RNF115: variants seen among roughly 807,000 people sequenced by gnomAD.
RNF115 encodes the protein E3 ubiquitin-protein ligase RNF115.
RNF115 carries 31 observed loss-of-function variants against 39.2 expected under a neutral mutation model. The observed-to-expected ratio is 0.79, with a 90% CI of 0.59 to 1.07. The LOEUF is 1.07. RNF115 is among the 50% of genes least tolerant of loss of function. The pLI is 0.00. For missense variants in RNF115, 384 were observed against 381.7 expected (o/e 1.01, Z -0.05); for synonymous variants, 124 against 131.0 (o/e 0.95, Z 0.37).
intron 2 of RNF115, 155 bp downstream of exon 2, chr1:145,788,753 C>G: frequency 1.4e-6 from 1 of 719,168 alleles, no homozygotes; most frequent in Non-Finnish European, 2.5e-6. Context: ...CTTCTGCCCT[C>G]TCTTGTGCAA....
chr1:145,788,504 G>A (rs1553718433), intron 2 of RNF115, among the ~76,000 whole-genome samples: 1 of 152,104 alleles, frequency 6.6e-6, no homozygotes, highest in African/African-American at 2.4e-5. Context: ...TCCCTAACCC[G>A]CCAAAGAGGT....
At chr1:145,808,673 T>C (rs1288715188) in intron 1 of RNF115, among the ~76,000 whole-genome samples, 1 of 152,224 alleles carries the variant, frequency 6.6e-6, no homozygotes, top group African/African-American at 2.4e-5. Flanking sequence ...TTTTGCACTA[T>C]ATCAGCAATC....
chr1:145,747,552 A>G (rs1390608505), intron 8 of RNF115, among the ~76,000 whole-genome samples: 2 of 152,154 alleles, frequency 1.3e-5, no homozygotes, highest in Admixed American at 1.3e-4. Context: ...CTGAGACACA[A>G]GAATCACTTG....
chr1:145,763,469 A>G (rs1202007532), intron 4 of RNF115, among the ~76,000 whole-genome samples: 1 of 152,228 alleles, frequency 6.6e-6, no homozygotes, highest in South Asian at 2.1e-4. Context: ...AGGCCAAAGC[A>G]GGCAGATCAC....
At chr1:145,751,607 G>A (rs1355737495) in intron 5 of RNF115, 97 bp from the exon 6 acceptor site, 2 of 696,210 alleles carry the variant, frequency 2.9e-6, no homozygotes, top group Non-Finnish European at 4.9e-6. Context: ...TTCTCTCTCA[G>A]AGCTGGAAAG....
chr1:145,786,609 T>C (rs1357369153), intron 2 of RNF115, among the ~76,000 whole-genome samples: 1 of 152,216 alleles, frequency 6.6e-6, no homozygotes, highest in Non-Finnish European at 1.5e-5. Context: ...CAGTTAATCA[T>C]TCTCATTTAT....
chr1:145,792,485 C>CAA (rs1648720585), intron 1 of RNF115, among the ~76,000 whole-genome samples: 1 of 151,848 alleles, frequency 6.6e-6, no homozygotes, highest in African/African-American at 2.4e-5. Context: ...GCCTGGCCCT[C>CAA]AAGTGCTTTT....
chr1:145,780,006 T>C (rs1648053528), intron 3 of RNF115, among the ~76,000 whole-genome samples: 1 of 151,534 alleles, frequency 6.6e-6, no homozygotes, highest in Non-Finnish European at 1.5e-5. Context: ...GACGAGAGGA[T>C]GACCTGAGGT....
At chr1:145,760,773 C>A (rs1658472688) in intron 4 of RNF115, among the ~76,000 whole-genome samples, 1 of 151,886 alleles carries the variant, frequency 6.6e-6, no homozygotes, top group South Asian at 2.1e-4. Context: ...TGAAGAGATA[C>A]CAAAAATGTG....
intron 6 of RNF115, among the ~76,000 whole-genome samples, chr1:145,750,903 G>A (rs1259212929): frequency 1.3e-5 from 2 of 152,140 alleles, no homozygotes; most frequent in South Asian, 2.1e-4. Flanking sequence ...CCAAGAAATA[G>A]GTAAATTACT....
At chr1:145,776,387 C>T (rs1647888178) in intron 3 of RNF115, among the ~76,000 whole-genome samples, 1 of 151,566 alleles carries the variant, frequency 6.6e-6, no homozygotes, top group Non-Finnish European at 1.5e-5. Context: ...TGGTCTTGAA[C>T]TCCTGACCTC....
Position 145,824,091 on chromosome 1 carries a change from G to A in RNF115, c.-218C>T. On this transcript the variant is annotated 5_prime_UTR_variant, in exon 1 of 9. Coordinates refer to ENST00000582693, the MANE Select transcript of RNF115 (RefSeq NM_014455.4). ...CAGCACCAAAGAGGCGCAGGAAGGAGAGACAAACGGCCCGCCCGCCGGCTC... is the reference window on the plus strand; with the variant it reads ...CAGCACCAAAGAGGCGCAGGAAGGAAAGACAAACGGCCCGCCCGCCGGCTC... 6.5e-6 allele frequency: 3 copies of A among 460,484 alleles called. No homozygotes were observed. The highest frequency in any genetic ancestry group is 7.0e-5 in the South Asian group (2 of 28,382). The allele number at this position is 460,484 out of a possible 1,614,324, so 28.5% of individuals were successfully genotyped here. A position where few individuals can be genotyped will look rare whatever the true frequency, so the allele number is the denominator to read the frequency against.
intron 7 of RNF115, among the ~76,000 whole-genome samples, chr1:145,749,434 A>G (rs977652954): frequency 6.6e-6 from 1 of 152,192 alleles, no homozygotes; most frequent in Non-Finnish European, 1.5e-5. Flanking sequence ...AAATTAAAAA[A>G]TGTAAAACAT....
intron 1 of RNF115, among the ~76,000 whole-genome samples, chr1:145,807,306 G>A (rs587606341): frequency 6.6e-6 from 1 of 152,260 alleles, no homozygotes; most frequent in South Asian, 2.1e-4. Flanking sequence ...TACAGGACGA[G>A]ATAGACCTAT....
intron 4 of RNF115, among the ~76,000 whole-genome samples, chr1:145,768,814 T>C (rs1647505835): frequency 6.6e-6 from 1 of 152,178 alleles, no homozygotes. Context: ...TTTCAAAACA[T>C]ACAGTGACAT....
At chr1:145,757,983 G>C (rs1171458211) in intron 4 of RNF115, among the ~76,000 whole-genome samples, 2 of 152,164 alleles carry the variant, frequency 1.3e-5, no homozygotes, top group Non-Finnish European at 2.9e-5. Context: ...GATTTTGGGA[G>C]GAAGTGAGTG....
chr1:145,793,390 GA>G (rs1648770995), intron 1 of RNF115, among the ~76,000 whole-genome samples: 1 of 152,118 alleles, frequency 6.6e-6, no homozygotes, highest in African/African-American at 2.4e-5. Flanking sequence ...ACTGATTTTG[GA>G]AAGCTAACCT....
intron 3 of RNF115, among the ~76,000 whole-genome samples, chr1:145,774,257 G>T (rs1647777245): frequency 6.7e-6 from 1 of 150,258 alleles, no homozygotes; most frequent in African/African-American, 2.4e-5. Context: ...ATCTTGTCAT[G>T]TAATATTTAC....
chr1:145,814,966 T>C (rs1553723289), intron 1 of RNF115, among the ~76,000 whole-genome samples: 1 of 152,234 alleles, frequency 6.6e-6, no homozygotes. Context: ...CTCATATCAA[T>C]CATTCAATTA....
Sources: allele counts gnomAD v4.1 joint callset (sites outside exome capture counted in the v4.1 genomes callset), GRCh38; gene constraint gnomAD v4.1.1; transcripts MANE v1.5; gene names NCBI Gene and HGNC (gene_info 2026-07-23, HGNC 2026-07-21).